Variants in NELL1 observed in about 807,000 individuals in gnomAD.
NELL1 encodes protein kinase C-binding protein NELL1.
A neutral mutation model predicts 107.4 loss-of-function variants in NELL1; 76 were observed. That is an observed-to-expected ratio of 0.71 (90% CI 0.59 to 0.86). The LOEUF (loss-of-function observed/expected upper bound fraction) is 0.86, where lower values mean the gene tolerates loss of function less well. Ranked by LOEUF, NELL1 falls within the 40% of genes least tolerant of loss-of-function variation. NELL1 has a pLI of 0.00. For missense variants in NELL1, 1,024 were observed against 1,005.5 expected (o/e 1.02, Z -0.25); for synonymous variants, 353 against 341.2 (o/e 1.03, Z -0.38).
In NELL1 at chr11:20,669,609, C is replaced by A. The variant is rs1853841380; in HGVS notation, c.-115C>A. The A allele has an allele frequency of 6.9e-6, 6 of 866,308 alleles. No individual in the cohort carries two copies. Among genetic ancestry groups the A allele is most frequent in the Middle Eastern group, 2.3e-4 (1 of 4,302 alleles). The allele number at this position is 866,308 out of a possible 1,614,324, so 53.7% of individuals were successfully genotyped here. On this transcript the variant is annotated 5_prime_UTR_variant, in exon 1 of 20. Transcript: ENST00000357134. The surrounding 1 kb of genome is among the most constrained non-coding windows in gnomAD (Gnocchi z 4.4). ...GCACCCGGCGCTGCCGAGCCACCTC[C>A]CCCGCCGCCCGCTAGCAAGTTTGGC...
At chr11:21,062,197 A>G (rs1258079145) in intron 12 of NELL1, among the ~76,000 whole-genome samples, 1 of 152,242 alleles carries the variant, frequency 6.6e-6, no homozygotes, top group Non-Finnish European at 1.5e-5. Context: ...GTGAAAAAGT[A>G]AAATCATTAA....
At chr11:21,460,043 T>A (rs1293599242) in intron 15 of NELL1, among the ~76,000 whole-genome samples, 1 of 152,108 alleles carries the variant, frequency 6.6e-6, no homozygotes, top group Non-Finnish European at 1.5e-5. Context: ...GCTTTATTAA[T>A]GTGGCCAGAG....
chr11:21,235,563 C>G (rs761094888), intron 14 of NELL1, among the ~76,000 whole-genome samples: 1 of 152,046 alleles, frequency 6.6e-6, no homozygotes, highest in Non-Finnish European at 1.5e-5. Flanking sequence ...TCTTAAGGGT[C>G]ATATTGAAAT....
chr11:21,156,231 A>T (rs1856230843), intron 13 of NELL1, among the ~76,000 whole-genome samples: 1 of 152,078 alleles, frequency 6.6e-6, no homozygotes, highest in Admixed American at 6.6e-5. Context: ...ATTTTTTTTT[A>T]AAGATTAATT....
intron 5 of NELL1, among the ~76,000 whole-genome samples, chr11:20,889,738 G>T (rs1442348040): frequency 6.6e-6 from 1 of 152,184 alleles, no homozygotes; most frequent in African/African-American, 2.4e-5. Flanking sequence ...AGGAGGAACA[G>T]TGCGGTGCGA....
At position 21,328,702 on chromosome 11, in the gene NELL1, A is replaced by G. The variant is rs528452319; in HGVS notation, c.1550-42151A>G. On this transcript the variant is annotated intron_variant, in intron 14 of 19. Coordinates refer to ENST00000357134, the MANE Select transcript of NELL1 (RefSeq NM_006157.5). ...GAGGGGAGCTATACCCTGCAAAGCC[A>G]CAGAGGCAGAGCTGCCCAAGACTAT... 4.0e-4 allele frequency among the ~76,000 whole-genome samples: 61 copies of G among 152,272 alleles called. 1 individual carries two copies. In the East Asian group the frequency reaches 8.7e-3, roughly 22 times the overall value.
chr11:21,000,077 G>T (rs982288936), intron 12 of NELL1, among the ~76,000 whole-genome samples: 7 of 152,154 alleles, frequency 4.6e-5, no homozygotes, highest in East Asian at 1.9e-4. Flanking sequence ...AACAAAAGGT[G>T]TTGGCAATGA....
chr11:21,098,626 A>G (rs1854714649), intron 12 of NELL1, among the ~76,000 whole-genome samples: 2 of 152,194 alleles, frequency 1.3e-5, no homozygotes, highest in Non-Finnish European at 2.9e-5. Flanking sequence ...CCCTGATGGT[A>G]CCACTTTGTT....
intron 15 of NELL1, among the ~76,000 whole-genome samples, chr11:21,423,400 A>G (rs1852741481): frequency 6.6e-6 from 1 of 152,128 alleles, no homozygotes; most frequent in Non-Finnish European, 1.5e-5. Context: ...AAGATATTAT[A>G]TGTTAATAAA....
intron 3 of NELL1, among the ~76,000 whole-genome samples, chr11:20,789,754 G>T (rs1313573245): frequency 6.6e-6 from 1 of 152,204 alleles, no homozygotes; most frequent in African/African-American, 2.4e-5. Flanking sequence ...CCTTTCCTCA[G>T]CCAGGGTGTC....
At chr11:21,091,465 A>AG (rs1465258979) in intron 12 of NELL1, among the ~76,000 whole-genome samples, 1 of 152,224 alleles carries the variant, frequency 6.6e-6, no homozygotes, top group Admixed American at 6.5e-5. Flanking sequence ...TTTAGAGAGC[A>AG]GATATTTTTA....
chr11:21,300,554 G>T (rs554716406), intron 14 of NELL1, among the ~76,000 whole-genome samples: 1 of 151,966 alleles, frequency 6.6e-6, no homozygotes, highest in African/African-American at 2.4e-5. Context: ...AGGTTAGGAG[G>T]AGGGTACTCA....
At chr11:20,859,244 A>G (rs192672835) in intron 4 of NELL1, among the ~76,000 whole-genome samples, 71 of 152,334 alleles carry the variant, frequency 4.7e-4, no homozygotes, top group African/African-American at 1.7e-3. Context: ...TTCCACGGAC[A>G]TTGGTTAGGC....
chr11:20,886,154 T>C (rs1296002542), intron 5 of NELL1, among the ~76,000 whole-genome samples: 1 of 152,010 alleles, frequency 6.6e-6, no homozygotes, highest in African/African-American at 2.4e-5. Context: ...TTTGGTACCA[T>C]GCTCACTACC....
intron 11 of NELL1, among the ~76,000 whole-genome samples, chr11:20,956,570 C>T (rs554863181): frequency 1.5e-4 from 22 of 150,070 alleles, no homozygotes; most frequent in Admixed American, 5.3e-4. Context: ...GGCATGAACC[C>T]GGGAGGCAGA....
At chr11:21,028,207 G>T (rs1355145587) in intron 12 of NELL1, among the ~76,000 whole-genome samples, 1 of 152,058 alleles carries the variant, frequency 6.6e-6, no homozygotes, top group Non-Finnish European at 1.5e-5. Flanking sequence ...CTGTTCCTTG[G>T]ATATTTTAAT....
At chr11:21,518,603 G>A (rs561468406) in intron 15 of NELL1, among the ~76,000 whole-genome samples, 2 of 152,240 alleles carry the variant, frequency 1.3e-5, no homozygotes, top group East Asian at 3.9e-4. Context: ...AGTTCATAAA[G>A]CAACTAAGGA....
At chr11:20,970,741 G>C (rs1295032289) in intron 12 of NELL1, among the ~76,000 whole-genome samples, 1 of 151,982 alleles carries the variant, frequency 6.6e-6, no homozygotes, top group Admixed American at 6.6e-5. Flanking sequence ...TAAAGATATG[G>C]TTGATAGTTG....
chr11:21,439,009 G>C (rs1048250227), intron 15 of NELL1, among the ~76,000 whole-genome samples: 2 of 151,886 alleles, frequency 1.3e-5, no homozygotes, highest in Admixed American at 6.6e-5. Flanking sequence ...TTAAAACTTA[G>C]AGGTAATCCC....
Sources: allele counts gnomAD v4.1 joint callset (sites outside exome capture counted in the v4.1 genomes callset), GRCh38; gene constraint gnomAD v4.1.1; non-coding constraint Gnocchi (gnomAD v3.1); transcripts MANE v1.5; gene names NCBI Gene and HGNC (gene_info 2026-07-23, HGNC 2026-07-21).